The following SLA variants were observed in gnomAD, a reference collection of about 807,000 sequenced individuals.
The protein encoded by SLA is src-like-adapter.
In SLA, 16 loss-of-function variants were observed where a neutral mutation model predicts 30.3. That is an observed-to-expected ratio of 0.53 (90% CI 0.36 to 0.80). SLA has a LOEUF of 0.80. Among genes scored for constraint, SLA ranks in the 30% least tolerant of loss-of-function variants. The pLI is 0.01. For missense variants in SLA, 310 were observed against 345.2 expected (o/e 0.90, Z 0.81); for synonymous variants, 143 against 137.8 (o/e 1.04, Z -0.26).
chr8:133,094,306 T>A (rs956619490), intron 1 of SLA, among the ~76,000 whole-genome samples: 12 of 146,310 alleles, frequency 8.2e-5, no homozygotes, highest in African/African-American at 3.0e-4. Context: ...AGAGGTGCGA[T>A]CTCGGTCCAC....
At chr8:133,071,206 C>T (rs1843964206) in intron 2 of SLA, among the ~76,000 whole-genome samples, 1 of 152,218 alleles carries the variant, frequency 6.6e-6, no homozygotes, top group Non-Finnish European at 1.5e-5. Context: ...GTTACATGTA[C>T]TCTCCACTTG....
chr8:133,062,266 T>C (rs1842472087), intron 2 of SLA, among the ~76,000 whole-genome samples: 1 of 152,174 alleles, frequency 6.6e-6, no homozygotes, highest in African/African-American at 2.4e-5. Context: ...CCTCTGACCC[T>C]GGTAGGAACT....
Position 133,060,110 on chromosome 8 carries a change from G to A in SLA, c.51C>T (p.Pro17=). 1.2e-6 allele frequency: 2 copies of A among 1,603,646 alleles called. No homozygotes were observed. Among genetic ancestry groups the A allele is most frequent in the Non-Finnish European group, 1.7e-6 (2 of 1,176,908 alleles). The change falls in exon 3 of 9, where the codon CCC becomes CCT. Residue 17 remains proline (P), a synonymous_variant. Transcript: ENST00000338087. The part of the protein sequence containing the change: ...STPAPAERPL[P]NPEGLDSDFL... ...AGAAGCCAGACTTACCCTCCGGGTTGGGCAGGGGCCTCTCGGCAGGCGCAG... is the reference window on the plus strand; with the variant it reads ...AGAAGCCAGACTTACCCTCCGGGTTAGGCAGGGGCCTCTCGGCAGGCGCAG...
In SLA at chr8:133,062,919, C is replaced by T. The variant is rs775279584; in HGVS notation, c.-40-2719G>A. On this transcript the variant is annotated intron_variant, in intron 2 of 8. Coordinates refer to ENST00000338087, the MANE Select transcript of SLA (RefSeq NM_001045556.3). The stretch of plus-strand genomic sequence containing the variant: ...TCTGCTACGCACAGGCCTTGGGAAA[C>T]ACACATGTGACATGCACAGGCTGTC... Among the ~76,000 whole-genome samples the T allele has an allele frequency of 2.0e-4, 30 of 152,300 alleles. No homozygotes were observed. The East Asian group carries it at 5.8e-3, about 29-fold the overall frequency.
intron 1 of SLA, 124 bp downstream of exon 1, chr8:133,102,429 G>T: frequency 1.2e-6 from 1 of 841,426 alleles, no homozygotes; most frequent in South Asian, 1.6e-5. Flanking sequence ...ATTTTCTTCA[G>T]ACCAAAGACG....
At chr8:133,083,481 C>T (rs980825732) in intron 1 of SLA, among the ~76,000 whole-genome samples, 1 of 152,154 alleles carries the variant, frequency 6.6e-6, no homozygotes, top group Non-Finnish European at 1.5e-5. Context: ...TAAGAACACA[C>T]AGCTGGTTAG....
intron 1 of SLA, among the ~76,000 whole-genome samples, chr8:133,099,862 T>G (rs1588096018): frequency 6.6e-6 from 1 of 152,168 alleles, no homozygotes; most frequent in East Asian, 1.9e-4. Context: ...ATCCAGCCAC[T>G]TTATTTGAGA....
intron 7 of SLA, among the ~76,000 whole-genome samples, chr8:133,043,523 T>C (rs994456245): frequency 6.6e-6 from 1 of 152,236 alleles, no homozygotes; most frequent in African/African-American, 2.4e-5. Context: ...CAGGCTATGC[T>C]GAACGCACTA....
rs1219639810 is a variant in SLA, at chr8:133,055,363, G to GCACACACACA, written c.62-4449_62-4448insTGTGTGTGTG. Among the ~76,000 whole-genome samples the GCACACACACA allele has an allele frequency of 2.2e-4, 7 of 32,020 alleles. No homozygotes were observed. The South Asian group carries it at 2.5e-3, about 12-fold the overall frequency. 21.0% of individuals were successfully genotyped at this position (32,020 alleles called of 152,430 possible). A position where few individuals can be genotyped will look rare whatever the true frequency, so the allele number is the denominator to read the frequency against. On this transcript the variant is annotated intron_variant, in intron 3 of 8. Coordinates refer to ENST00000338087, the MANE Select transcript of SLA (RefSeq NM_001045556.3). The stretch of plus-strand genomic sequence containing the variant: ...ATCTTCAGGACACACACACGCACGC[G>GCACACACACA]CGCACACACACACACACACACACAC...
chr8:133,094,398 G>A (rs1028333120), intron 1 of SLA, among the ~76,000 whole-genome samples: 42 of 151,896 alleles, frequency 2.8e-4, no homozygotes, highest in African/African-American at 9.2e-4. Flanking sequence ...CCGTCACCAC[G>A]CCTGGCTAGT....
intron 7 of SLA, among the ~76,000 whole-genome samples, chr8:133,042,606 A>G (rs922303980): frequency 2.7e-5 from 4 of 145,886 alleles, no homozygotes; most frequent in Admixed American, 2.7e-4. Flanking sequence ...AGGCATCATG[A>G]TGAAAATTAT....
rs1401788022 is a variant in SLA, at chr8:133,067,862, GA to G, written c.-41+6990del. On this transcript the variant is annotated intron_variant, in intron 2 of 8. Transcript: ENST00000338087. ...AGAGACAGAGAGAGAGAGAAAGAAA[GA>G]AAGAAAGGAAGGAAGGAAGGAAGTA... Among the ~76,000 whole-genome samples the G allele has an allele frequency of 6.2e-3, 445 of 72,120 alleles. 5 individuals carry two copies. Among genetic ancestry groups the G allele is most frequent in the African/African-American group, 0.03 (428 of 14,252 alleles). 47.3% of individuals were successfully genotyped at this position (72,120 alleles called of 152,430 possible).
intron 7 of SLA, 137 bp from the exon 8 acceptor site, chr8:133,040,267 T>C: frequency 1.1e-6 from 1 of 909,540 alleles, no homozygotes; most frequent in South Asian, 1.7e-5. Context: ...CAAAGGGGCA[T>C]GGTAGGTGGT....
chr8:133,071,095 T>G (rs1843934484), intron 2 of SLA, among the ~76,000 whole-genome samples: 1 of 152,232 alleles, frequency 6.6e-6, no homozygotes, highest in Non-Finnish European at 1.5e-5. Flanking sequence ...GAGGCCTCCC[T>G]GTGTCCACCT....
chr8:133,077,784 C>T (rs2958703), intron 1 of SLA, among the ~76,000 whole-genome samples: 2,977 of 149,768 alleles, frequency 0.02, 86 homozygotes, highest in African/African-American at 0.062. Flanking sequence ...TGTGTGTGTG[C>T]GGCAGAGTTG....
At chr8:133,047,543 C>A in intron 6 of SLA, 2 of 447,354 alleles carry the variant, frequency 4.5e-6, no homozygotes, top group Non-Finnish European at 4.2e-6. Flanking sequence ...CTACACACTG[C>A]GTTCAGTTTT....
At chr8:133,077,185 T>A (rs138649158) in intron 1 of SLA, among the ~76,000 whole-genome samples, 93 of 152,182 alleles carry the variant, frequency 6.1e-4, no homozygotes, top group African/African-American at 2.1e-3. Context: ...GGACTGCTGG[T>A]TTCACACAAG....
chr8:133,064,393 G>A (rs1329741112), intron 2 of SLA, among the ~76,000 whole-genome samples: 2 of 152,240 alleles, frequency 1.3e-5, no homozygotes, highest in Non-Finnish European at 2.9e-5. Context: ...ACCACCTTCT[G>A]TGAGGCAATC....
At position 133,101,237 on chromosome 8, in the gene SLA, A is replaced by C. The variant is rs1367742254; in HGVS notation, c.-319+1316T>G. Among the ~76,000 whole-genome samples the C allele has an allele frequency of 2.0e-5, 3 of 152,234 alleles. No homozygotes were observed. In the South Asian group the frequency reaches 6.2e-4, roughly 31 times the overall value. The stretch of plus-strand genomic sequence containing the variant: ...CCCACACAGAACTGCAAGAGGGCAC[A>C]GTGGACAACCAAGTGGAAACTGAGT... On this transcript the variant is annotated intron_variant, in intron 1 of 8. Transcript: ENST00000338087.
Sources: gnomAD v4.1 joint callset for allele counts (sites outside exome capture counted in the v4.1 genomes callset) on GRCh38, gnomAD v4.1.1 for gene constraint, MANE v1.5 for transcripts, NCBI Gene and HGNC (gene_info 2026-07-23, HGNC 2026-07-21) for gene names.